Variants in KCNH7 observed in about 807,000 individuals in gnomAD.
KCNH7 encodes the protein voltage-gated inwardly rectifying potassium channel KCNH7.
In KCNH7, 49 loss-of-function variants were observed where a neutral mutation model predicts 120.8. The observed-to-expected ratio is 0.41, with a 90% CI of 0.32 to 0.51. The LOEUF (loss-of-function observed/expected upper bound fraction) is 0.51. Among genes scored for constraint, KCNH7 ranks in the 20% least tolerant of loss-of-function variants. KCNH7 has a pLI of 0.38. For synonymous variants in KCNH7, 547 were observed against 516.1 expected, an observed-to-expected ratio of 1.06 and a Z score of -0.81; for missense variants, 1,097 against 1,446.6, an observed-to-expected ratio of 0.76 and a Z score of 3.92.
intron 2 of KCNH7, among the ~76,000 whole-genome samples, chr2:162,625,270 G>T (rs1002713544): frequency 6.6e-6 from 1 of 152,008 alleles, no homozygotes; most frequent in African/African-American, 2.4e-5. Context: ...ATGAGCTGGG[G>T]CAATATACTT....
intron 2 of KCNH7, among the ~76,000 whole-genome samples, chr2:162,638,992 T>C (rs1202285319): frequency 1.3e-5 from 2 of 152,152 alleles, no homozygotes; most frequent in African/African-American, 4.8e-5. Context: ...TCGGGGATGC[T>C]GTCTTGTGCA....
chr2:162,799,732 C>G (rs568970272), intron 2 of KCNH7, among the ~76,000 whole-genome samples: 5 of 152,070 alleles, frequency 3.3e-5, no homozygotes, highest in African/African-American at 1.2e-4. Context: ...TAGCAAAACA[C>G]AGGTGCAACT....
rs1553531728 is a variant in KCNH7, at chr2:162,807,272, A to AC, written c.307+29264_307+29265insG. On this transcript the variant is annotated intron_variant, in intron 2 of 15. Coordinates refer to ENST00000332142, the MANE Select transcript of KCNH7 (RefSeq NM_033272.4). ...CTAAAAATACAAAAAAAAAAAAAAAAAAAAAAAAAAACAAATTAGCCAGGT... is the reference window on the plus strand; with the variant it reads ...CTAAAAATACAAAAAAAAAAAAAAAACAAAAAAAAAAACAAATTAGCCAGGT... Among the ~76,000 whole-genome samples, 412 of 119,096 alleles carry AC rather than the reference A, an allele frequency of 3.5e-3. 18 individuals are homozygous for AC. The highest frequency in any genetic ancestry group is 0.011 in the Admixed American group (112 of 10,396). 78.1% of individuals were successfully genotyped at this position (119,096 alleles called of 152,430 possible).
At chr2:162,577,113 T>C (rs561309223) in intron 2 of KCNH7, among the ~76,000 whole-genome samples, 18 of 151,804 alleles carry the variant, frequency 1.2e-4, no homozygotes, top group Non-Finnish European at 2.2e-4. Context: ...AGAAATTGGG[T>C]CTTGCTCTGT....
chr2:162,420,419 C>T (rs2105484114), intron 9 of KCNH7, among the ~76,000 whole-genome samples: 1 of 152,054 alleles, frequency 6.6e-6, no homozygotes, highest in Non-Finnish European at 1.5e-5. Context: ...CAAAACAAAA[C>T]ACCATGATTC....
chr2:162,504,651 A>G lies in KCNH7; in HGVS notation c.920T>C (p.Phe307Ser), dbSNP rs762189062. 1 of 1,604,410 alleles carries G rather than the reference A, an allele frequency of 6.2e-7. No individual in the cohort carries two copies. The highest frequency in any genetic ancestry group is 1.7e-5 in the Admixed American group (1 of 59,556). The change falls in exon 6 of 16, where the codon TTT becomes TCT. Residue 307 changes from phenylalanine to serine, a missense_variant. This residue lies in a region of KCNH7 where 362 missense variants were observed against 372.2 expected (regional missense o/e 0.97). Coordinates refer to ENST00000332142, the MANE Select transcript of KCNH7 (RefSeq NM_033272.4). Reference protein sequence around the residue: ...EDNGRNVKGPFNHIKSSLLGS... With the variant: ...EDNGRNVKGPSNHIKSSLLGS... ...CAGGAGGCTTGACTTGATATGATTA[A>G]AAGGCCCTAAAAAAATGGAAAGTAT...
chr2:162,748,863 T>TCCCCTCCCCC (rs1335417092), intron 2 of KCNH7, among the ~76,000 whole-genome samples: 1,102 of 32,794 alleles, frequency 0.034, 88 homozygotes, highest in East Asian at 0.15. Flanking sequence ...TCCCCTTCCC[T>TCCCCTCCCCC]CCCCTCCCCC....
chr2:162,437,550 A>G (rs1473515311), intron 7 of KCNH7, among the ~76,000 whole-genome samples: 3 of 152,144 alleles, frequency 2.0e-5, no homozygotes, highest in East Asian at 3.9e-4. Context: ...GAACAGACAA[A>G]CTTATGTTTG....
intron 2 of KCNH7, among the ~76,000 whole-genome samples, chr2:162,777,219 C>A (rs1367578888): frequency 6.6e-6 from 1 of 152,098 alleles, no homozygotes; most frequent in Non-Finnish European, 1.5e-5. Context: ...TAACCAAAAT[C>A]CAAGCATACT....
At chr2:162,826,604 A>T (rs141055113) in intron 2 of KCNH7, among the ~76,000 whole-genome samples, 10 of 152,292 alleles carry the variant, frequency 6.6e-5, no homozygotes, top group Non-Finnish European at 1.5e-4. Flanking sequence ...CACCATTCTC[A>T]TAGCAGCAAA....
chr2:162,402,319 CTT>C (rs1687089704), intron 9 of KCNH7, among the ~76,000 whole-genome samples: 1 of 149,576 alleles, frequency 6.7e-6, no homozygotes, highest in African/African-American at 2.4e-5. Context: ...TCATTGGACT[CTT>C]TGGCAAGTGA....
intron 3 of KCNH7, among the ~76,000 whole-genome samples, chr2:162,533,634 A>C (rs1425312420): frequency 6.6e-6 from 1 of 151,758 alleles, no homozygotes; most frequent in Non-Finnish European, 1.5e-5. Flanking sequence ...TACCTATGAA[A>C]TATGAATATC....
At chr2:162,478,975 C>A (rs1190409414) in intron 6 of KCNH7, among the ~76,000 whole-genome samples, 2 of 151,986 alleles carry the variant, frequency 1.3e-5, no homozygotes, top group Non-Finnish European at 2.9e-5. Context: ...CAGAACGGAT[C>A]CAAATAAAAC....
chr2:162,817,046 C>G (rs565639086), intron 2 of KCNH7, among the ~76,000 whole-genome samples: 1 of 152,118 alleles, frequency 6.6e-6, no homozygotes, highest in African/African-American at 2.4e-5. Context: ...AAGAAAAAAT[C>G]TGGCCCTGAA....
At chr2:162,600,408 A>G (rs961847358) in intron 2 of KCNH7, among the ~76,000 whole-genome samples, 2 of 151,998 alleles carry the variant, frequency 1.3e-5, no homozygotes, top group Non-Finnish European at 2.9e-5. Flanking sequence ...TCATGAAAAA[A>G]CCAGATAATT....
intron 2 of KCNH7, among the ~76,000 whole-genome samples, chr2:162,593,853 C>T (rs948062490): frequency 6.6e-6 from 1 of 152,082 alleles, no homozygotes. Flanking sequence ...ACATGGGACT[C>T]AAAGGAAATA....
intron 2 of KCNH7, chr2:162,795,471 G>A (rs1053397806): frequency 3.3e-5 from 5 of 151,900 alleles, no homozygotes; most frequent in African/African-American, 1.2e-4. Flanking sequence ...CTGTCCTGTG[G>A]GCACTCCCCA....
intron 2 of KCNH7, among the ~76,000 whole-genome samples, chr2:162,787,296 C>T (rs536353188): frequency 1.3e-5 from 2 of 152,306 alleles, no homozygotes; most frequent in African/African-American, 4.8e-5. Context: ...CCAGACTCAC[C>T]TTAGTGTCAA....
rs139754023 is a variant in KCNH7, at chr2:162,480,810, T to C, written c.1128+23633A>G. On this transcript the variant is annotated intron_variant, in intron 6 of 15. Coordinates refer to ENST00000332142, the MANE Select transcript of KCNH7 (RefSeq NM_033272.4). ...GCCTGGGAGAATGGTCTAGCTTATA[T>C]AGGGCAAGAAGTTACGAAGTGAGGG... Among the ~76,000 whole-genome samples the C allele has an allele frequency of 3.5e-3, 536 of 152,256 alleles. 7 individuals are homozygous for C. The highest frequency in any genetic ancestry group is 0.012 in the African/African-American group (498 of 41,552).
Sources: allele counts gnomAD v4.1 joint callset (sites outside exome capture counted in the v4.1 genomes callset), GRCh38; gene constraint gnomAD v4.1.1; regional missense constraint gnomAD v4.1.1; transcripts MANE v1.5; gene names NCBI Gene and HGNC (gene_info 2026-07-23, HGNC 2026-07-21).